GRIK4: variants seen among roughly 807,000 people sequenced by gnomAD.
GRIK4 encodes glutamate receptor ionotropic, kainate 4.
In GRIK4, 40 loss-of-function variants were observed where a neutral mutation model predicts 104.9. The ratio of observed to expected loss-of-function variants is 0.38; its 90% CI spans 0.30 to 0.50. The LOEUF is 0.50. Among genes scored for constraint, GRIK4 ranks in the 20% least tolerant of loss-of-function variants. GRIK4 has a pLI of 0.93. For synonymous variants in GRIK4, 485 were observed against 524.9 expected (o/e 0.92, Z 1.04); for missense variants, 1,047 against 1,308.1 (o/e 0.80, Z 3.08).
At position 120,887,374 on chromosome 11, in the gene GRIK4, AG is replaced by A. The variant is rs1189216366; in HGVS notation, c.1165-11157del. ...GACAAGAGTTGCTGACACTCACAAAAGTAAAAAAGAATAAGCCCATCTCTCT... is the reference window on the plus strand; with the variant it reads ...GACAAGAGTTGCTGACACTCACAAAATAAAAAAGAATAAGCCCATCTCTCT... On this transcript the variant is annotated intron_variant, in intron 11 of 20. Coordinates refer to ENST00000527524, the MANE Select transcript of GRIK4 (RefSeq NM_014619.5). Among the ~76,000 whole-genome samples, 4 of 152,330 alleles carry A rather than the reference AG, an allele frequency of 2.6e-5. No individual in the cohort carries two copies. The East Asian group carries it at 7.7e-4, about 29-fold the overall frequency.
intron 7 of GRIK4, 52 bp from the exon 8 acceptor site, chr11:120,836,739 C>T: frequency 8.1e-7 from 1 of 1,233,424 alleles, no homozygotes; most frequent in South Asian, 1.2e-5. Flanking sequence ...TGCTCATTTG[C>T]TTCAAGTGAG....
At chr11:120,946,246 A>G (rs889109504) in intron 14 of GRIK4, among the ~76,000 whole-genome samples, 10 of 152,180 alleles carry the variant, frequency 6.6e-5, no homozygotes, top group South Asian at 2.1e-4. Context: ...TATTAAAGTG[A>G]GTTTGTATTC....
Position 120,953,055 on chromosome 11 carries a change from G to GGGAGGAGGAGAGGT in GRIK4, c.1700+101_1700+102insAGGTGGAGGAGGAG. On this transcript the variant is annotated intron_variant, in intron 15 of 20. Transcript: ENST00000527524. The surrounding 1 kb of genome is among the most constrained non-coding windows in gnomAD (Gnocchi z 4.9). ...GGGAGGGGGTGGGGAGGAGGAGAGG[G>GGGAGGAGGAGAGGT]GGAGGAGGAGTTGGGAAGATCTTGG... 1 of 804,130 alleles carries GGGAGGAGGAGAGGT rather than the reference G, an allele frequency of 1.2e-6. No homozygotes were observed. The highest frequency in any genetic ancestry group is 2.5e-5 in the East Asian group (1 of 40,560). The allele number at this position is 804,130 out of a possible 1,614,324, so 49.8% of individuals were successfully genotyped here.
chr11:120,898,858 C>G (rs970671757), intron 12 of GRIK4, among the ~76,000 whole-genome samples: 7 of 152,130 alleles, frequency 4.6e-5, no homozygotes, highest in Non-Finnish European at 1.0e-4. Flanking sequence ...GGAGAGACAC[C>G]ACAGTTTGTG....
intron 18 of GRIK4, among the ~76,000 whole-genome samples, chr11:120,965,398 A>G (rs1298205946): frequency 6.6e-6 from 1 of 152,258 alleles, no homozygotes; most frequent in African/African-American, 2.4e-5. Flanking sequence ...TCATGTGTCC[A>G]TTCACGGCAG....
At chr11:120,669,040 T>G (rs1949970117) in intron 3 of GRIK4, among the ~76,000 whole-genome samples, 2 of 152,282 alleles carry the variant, frequency 1.3e-5, no homozygotes, top group African/African-American at 4.8e-5. Flanking sequence ...CCTTCCTCAT[T>G]TCTCCACCAA....
chr11:120,756,877 C>G (rs999284117), intron 3 of GRIK4, among the ~76,000 whole-genome samples: 6 of 152,218 alleles, frequency 3.9e-5, no homozygotes, highest in African/African-American at 1.4e-4. Context: ...CAACCACCTC[C>G]CACTGTGCTG....
At chr11:120,875,322 C>A in intron 11 of GRIK4, 79 bp downstream of exon 11, 1 of 907,650 alleles carries the variant, frequency 1.1e-6, no homozygotes, top group Admixed American at 1.8e-5. Context: ...TTTGGATGGC[C>A]TCCTGCTCCC....
chr11:120,696,253 T>C (rs1950447133), intron 3 of GRIK4, among the ~76,000 whole-genome samples: 1 of 151,982 alleles, frequency 6.6e-6, no homozygotes, highest in Admixed American at 6.6e-5. Context: ...CGTGAGCACA[T>C]ATGCACCGAA....
At chr11:120,689,614 T>C (rs1197374516) in intron 3 of GRIK4, among the ~76,000 whole-genome samples, 7 of 152,042 alleles carry the variant, frequency 4.6e-5, no homozygotes, top group Non-Finnish European at 1.0e-4. Flanking sequence ...TGAAATGTCC[T>C]TTCCTGCCAT....
At chr11:120,609,650 G>A (rs1949008670) in intron 1 of GRIK4, among the ~76,000 whole-genome samples, 1 of 150,618 alleles carries the variant, frequency 6.6e-6, no homozygotes, top group Non-Finnish European at 1.5e-5. Flanking sequence ...GAGTAGCTGG[G>A]ACTACAGGTG....
intron 1 of GRIK4, among the ~76,000 whole-genome samples, chr11:120,629,093 TGTAGCCATGGAGG>T: frequency 6.6e-6 from 1 of 151,984 alleles, no homozygotes; most frequent in Non-Finnish European, 1.5e-5. Context: ...GGAAGCCTGG[TGTAGCCATGGAGG>T]GTGTTGTGGA....
intron 11 of GRIK4, 96 bp from the exon 12 acceptor site, chr11:120,898,436 A>C: frequency 1.4e-6 from 1 of 716,372 alleles, no homozygotes; most frequent in Non-Finnish European, 2.5e-6. Flanking sequence ...CTCCCTGCTC[A>C]CATGCAGCCC....
At chr11:120,717,569 A>G (rs1950857530) in intron 3 of GRIK4, among the ~76,000 whole-genome samples, 1 of 151,774 alleles carries the variant, frequency 6.6e-6, no homozygotes, top group Admixed American at 6.6e-5. Context: ...AAAAAAAAAA[A>G]GCGATGGGAG....
rs1383536291 is a variant in GRIK4 at position 120,986,933 on chromosome 11, G to A, written c.*673G>A. The stretch of plus-strand genomic sequence containing the variant: ...TTAACTCTCTGTATGGTGACTGAGG[G>A]GCCTGCAGGAGCACAGGAGAAGGAG... On this transcript the variant is annotated 3_prime_UTR_variant, in exon 21 of 21. Transcript: ENST00000527524. The A allele has an allele frequency of 6.6e-6, 1 of 152,134 alleles. No homozygotes were observed. The highest frequency in any genetic ancestry group is 6.6e-5 in the Admixed American group (1 of 15,266). 9.4% of individuals were successfully genotyped at this position (152,134 alleles called of 1,614,324 possible). A position where few individuals can be genotyped will look rare whatever the true frequency, so the allele number is the denominator to read the frequency against.
chr11:120,687,121 G>A (rs908117023), intron 3 of GRIK4, among the ~76,000 whole-genome samples: 5 of 152,220 alleles, frequency 3.3e-5, no homozygotes, highest in African/African-American at 1.2e-4. Context: ...TCTTATGTGT[G>A]TTATTTAATT....
chr11:120,511,863 GC>G lies in GRIK4; in HGVS notation c.-178del. ...CCGGCAGCGCCCGGCCCCCGGCTCA[GC>G]CCCCGGAGTGCGGAGCCGACCAGGT... On this transcript the variant is annotated 5_prime_UTR_variant, in exon 1 of 21. Transcript: ENST00000527524. The G allele has an allele frequency of 6.3e-5, 21 of 334,898 alleles. No individual in the cohort carries two copies. Among genetic ancestry groups the G allele is most frequent in the East Asian group, 3.2e-4 (2 of 6,260 alleles). 20.7% of individuals were successfully genotyped at this position (334,898 alleles called of 1,614,324 possible). A position where few individuals can be genotyped will look rare whatever the true frequency, so the allele number is the denominator to read the frequency against.
chr11:120,655,968 G>A (rs575013650), intron 2 of GRIK4, among the ~76,000 whole-genome samples: 22 of 152,284 alleles, frequency 1.4e-4, no homozygotes, highest in Admixed American at 3.3e-4. Flanking sequence ...TTGAGCTGTA[G>A]ATGTCAATGC....
chr11:120,628,719 C>T (rs532290754), intron 1 of GRIK4, among the ~76,000 whole-genome samples: 2 of 152,240 alleles, frequency 1.3e-5, no homozygotes, highest in African/African-American at 4.8e-5. Context: ...CCAGGTGAGT[C>T]CAGAGGCCAT....
Sources: gnomAD v4.1 joint callset for allele counts (sites outside exome capture counted in the v4.1 genomes callset) on GRCh38, gnomAD v4.1.1 for gene constraint, Gnocchi (gnomAD v3.1) non-coding constraint, MANE v1.5 for transcripts, NCBI Gene and HGNC (gene_info 2026-07-23, HGNC 2026-07-21) for gene names.